MN1: variants seen among roughly 807,000 people sequenced by gnomAD.
The protein encoded by MN1 is transcriptional activator MN1.
MN1 carries 19 observed loss-of-function variants against 86.9 expected under a neutral mutation model. The observed-to-expected ratio is 0.22, with a 90% CI of 0.15 to 0.32. The LOEUF (loss-of-function observed/expected upper bound fraction) is 0.32, where lower values mean the gene tolerates loss of function less well. MN1 is among the 10% of genes least tolerant of loss of function. MN1 has a pLI of 1.00. For missense variants in MN1, 1,841 were observed against 1,862.0 expected (o/e 0.99, Z 0.21); for synonymous variants, 928 against 849.6 (o/e 1.09, Z -1.60).
At chr22:27,785,056 CCACACACACACACA>C (rs57257445) in intron 1 of MN1, among the ~76,000 whole-genome samples, 14 of 144,916 alleles carry the variant, frequency 9.7e-5, no homozygotes, top group Non-Finnish European at 1.4e-4. Context: ...CTGGCATCCG[CCACACACACACACA>C]CACACACACA....
rs1019703652 is a variant in MN1, at chr22:27,801,567, G to T, written c.-1024C>A. 5.7e-6 allele frequency: 1 copy of T among 176,580 alleles called. No individual in the cohort carries two copies. Among genetic ancestry groups the T allele is most frequent in the Non-Finnish European group, 1.2e-5 (1 of 82,156 alleles). The allele number at this position is 176,580 out of a possible 1,614,324, so 10.9% of individuals were successfully genotyped here. ...GTACGCGGGTCGGGGGGCCACGCCG[G>T]GCGAGCAGGCTAAGGCGTTCCCGCT... On this transcript the variant is annotated 5_prime_UTR_variant, in exon 1 of 2. Transcript: ENST00000302326.
At chr22:27,766,444 G>A (rs964708002) in intron 1 of MN1, among the ~76,000 whole-genome samples, 2 of 152,174 alleles carry the variant, frequency 1.3e-5, no homozygotes, top group African/African-American at 4.8e-5. Flanking sequence ...CCAGCAGGAG[G>A]TGTGGGAAGA....
intron 1 of MN1, among the ~76,000 whole-genome samples, chr22:27,782,329 G>T (rs568998352): frequency 6.6e-6 from 1 of 152,268 alleles, no homozygotes; most frequent in African/African-American, 2.4e-5. Context: ...GCCCGGCCCC[G>T]CCCTATGACA....
In MN1 at chr22:27,750,024, A is replaced by G. The variant is rs1932749066; in HGVS notation, c.*891T>C. The G allele has an allele frequency of 4.3e-6, 1 of 232,204 alleles. No homozygotes were observed. The allele number at this position is 232,204 out of a possible 1,614,324, so 14.4% of individuals were successfully genotyped here. On this transcript the variant is annotated 3_prime_UTR_variant, in exon 2 of 2. Coordinates refer to ENST00000302326, the MANE Select transcript of MN1 (RefSeq NM_002430.3). ...TGGGAGCACACCATCCCCCATGCAG[A>G]CCAAAGGCTGCTTAGCACAGCGTGA... is the stretch of plus-strand genomic sequence containing the variant.
rs753546292 is a variant in MN1 at position 27,797,813 on chromosome 22, C to T, written c.2731G>A (p.Ala911Thr). Residue 911 changes from alanine to threonine, a missense_variant, in exon 1 of 2, where the codon GCC becomes ACC. Physicochemically the swap from Ala to Thr is moderately conservative, Grantham distance 58. Coordinates refer to ENST00000302326, the MANE Select transcript of MN1 (RefSeq NM_002430.3). ...GAGAGGCTGGTGCCGTCCCCCTGGG[C>T]TGGAGGGTTGGGCGGCCCCGAGGCT... The part of the protein sequence containing the change: ...SKASGPPNPP[A>T]QGDGTSLSPN... 27 of 1,588,722 alleles carry T rather than the reference C, an allele frequency of 1.7e-5. No homozygotes were observed. Among genetic ancestry groups the T allele is most frequent in the Admixed American group, 8.7e-5 (5 of 57,580 alleles).
intron 1 of MN1, among the ~76,000 whole-genome samples, chr22:27,793,018 T>C (rs969853211): frequency 6.6e-6 from 1 of 152,110 alleles, no homozygotes; most frequent in African/African-American, 2.4e-5. Flanking sequence ...TCCAAAAATT[T>C]CTCTGGCATC....
chr22:27,779,992 A>G (rs1378346315), intron 1 of MN1, among the ~76,000 whole-genome samples: 1 of 152,124 alleles, frequency 6.6e-6, no homozygotes, highest in East Asian at 1.9e-4. Flanking sequence ...TTAGGACCCC[A>G]GCACCCTGTC....
chr22:27,789,827 G>C (rs1380224425), intron 1 of MN1, among the ~76,000 whole-genome samples: 1 of 152,230 alleles, frequency 6.6e-6, no homozygotes, highest in African/African-American at 2.4e-5. Flanking sequence ...AGTTCTCTCT[G>C]CTCCGGCTTC....
intron 1 of MN1, among the ~76,000 whole-genome samples, chr22:27,788,340 G>T (rs715627): frequency 0.041 from 6,268 of 152,132 alleles, 195 homozygotes; most frequent in Middle Eastern, 0.11. Context: ...CCTAAAACTT[G>T]CAAGGACGCT....
intron 1 of MN1, among the ~76,000 whole-genome samples, chr22:27,775,837 CG>C (rs1198051795): frequency 5.9e-5 from 9 of 152,230 alleles, no homozygotes; most frequent in African/African-American, 2.2e-4. Flanking sequence ...GCTCTCTCCC[CG>C]AATGGAATGG....
At chr22:27,775,882 C>G (rs1458150560) in intron 1 of MN1, among the ~76,000 whole-genome samples, 1 of 152,224 alleles carries the variant, frequency 6.6e-6, no homozygotes, top group African/African-American at 2.4e-5. Context: ...CCTCTGCTCC[C>G]TGCCGCCTGA....
In MN1 at chr22:27,770,021, A is replaced by G. The variant is rs528435791; in HGVS notation, c.3782-18925T>C. Among the ~76,000 whole-genome samples the G allele has an allele frequency of 2.0e-5, 3 of 152,370 alleles. No homozygotes were observed. The East Asian group carries it at 5.8e-4, about 29-fold the overall frequency. On this transcript the variant is annotated intron_variant, in intron 1 of 1. Transcript: ENST00000302326. Reference sequence around the variant, plus strand: ...CTCAGTAAGACTCGCCCAAGGCCACATAGTCACTAATTGGCAATCATAATC... The same window carrying G: ...CTCAGTAAGACTCGCCCAAGGCCACGTAGTCACTAATTGGCAATCATAATC...
intron 1 of MN1, among the ~76,000 whole-genome samples, chr22:27,772,186 C>T (rs933292784): frequency 4.6e-5 from 7 of 152,228 alleles, no homozygotes; most frequent in Admixed American, 1.3e-4. Context: ...GGGCAGAGCA[C>T]ACACAGCTGC....
At chr22:27,751,142 C>A in intron 1 of MN1, 46 bp from the exon 2 acceptor site, 1 of 1,490,738 alleles carries the variant, frequency 6.7e-7, no homozygotes, top group Non-Finnish European at 9.0e-7. Flanking sequence ...ACACTCGTCT[C>A]TGAGGGACAC....
At chr22:27,795,980 C>T (rs1010711026) in intron 1 of MN1, among the ~76,000 whole-genome samples, 1 of 152,134 alleles carries the variant, frequency 6.6e-6, no homozygotes, top group African/African-American at 2.4e-5. Flanking sequence ...TTGACAAACA[C>T]GGATCCTTTG....
chr22:27,781,789 C>T (rs1933056805), intron 1 of MN1, among the ~76,000 whole-genome samples: 1 of 152,176 alleles, frequency 6.6e-6, no homozygotes, highest in Non-Finnish European at 1.5e-5. Flanking sequence ...GATTCGATCC[C>T]AGGCTTGTCT....
chr22:27,760,858 C>A lies in MN1; in HGVS notation c.3782-9762G>T, dbSNP rs145321867. Among the ~76,000 whole-genome samples, 582 of 152,334 alleles carry A rather than the reference C, an allele frequency of 3.8e-3. 3 individuals carry two copies. Among genetic ancestry groups the A allele is most frequent in the African/African-American group, 0.013 (542 of 41,568 alleles). ...GGGAAAGCAGACCACTGTCTCTATG[C>A]GAGTCGGCTCCAGGGCGTGACCGTG... On this transcript the variant is annotated intron_variant, in intron 1 of 1. Transcript: ENST00000302326.
At chr22:27,772,420 T>C (rs569871958) in intron 1 of MN1, among the ~76,000 whole-genome samples, 1 of 152,248 alleles carries the variant, frequency 6.6e-6, no homozygotes, top group Admixed American at 6.5e-5. Context: ...AGTTAGAGTG[T>C]GGGGAGGAGG....
At chr22:27,751,637 G>T (rs752053799) in intron 1 of MN1, among the ~76,000 whole-genome samples, 4 of 152,130 alleles carry the variant, frequency 2.6e-5, no homozygotes, top group Non-Finnish European at 4.4e-5. Flanking sequence ...CCAACTCCAG[G>T]GGGGAAGGAT....
Sources: allele counts gnomAD v4.1 joint callset (sites outside exome capture counted in the v4.1 genomes callset), GRCh38; gene constraint gnomAD v4.1.1; transcripts MANE v1.5; gene names NCBI Gene and HGNC (gene_info 2026-07-23, HGNC 2026-07-21).